Variants in MAD1L1 observed in about 807,000 individuals in gnomAD.
The protein encoded by MAD1L1 is mitotic spindle assembly checkpoint protein MAD1.
MAD1L1 carries 95 observed loss-of-function variants against 96.9 expected under a neutral mutation model. The ratio of observed to expected loss-of-function variants is 0.98; its 90% CI spans 0.83 to 1.16. MAD1L1 has a LOEUF of 1.16. MAD1L1 is among the 50% of genes most tolerant of loss of function. The probability of loss-of-function intolerance (pLI) is 0.00; values close to 1 mark genes in which losing one functional copy is unlikely to be tolerated. For missense variants in MAD1L1, 1,007 were observed against 954.4 expected (o/e 1.06, Z -0.73); for synonymous variants, 473 against 396.6 (o/e 1.19, Z -2.29).
chr7:2,070,554 C>A (rs1018007036), intron 11 of MAD1L1, among the ~76,000 whole-genome samples: 18 of 149,460 alleles, frequency 1.2e-4, no homozygotes, highest in Non-Finnish European at 4.4e-5. Context: ...TGCGAGTCCG[C>A]GGAGGGAGGG....
At chr7:2,170,971 A>G (rs769894244) in intron 10 of MAD1L1, among the ~76,000 whole-genome samples, 2 of 152,208 alleles carry the variant, frequency 1.3e-5, no homozygotes, top group Non-Finnish European at 2.9e-5. Context: ...ATAGGTGATC[A>G]AACGCAAAAC....
intron 12 of MAD1L1, among the ~76,000 whole-genome samples, chr7:2,057,072 G>A (rs190053560): frequency 9.8e-5 from 15 of 152,298 alleles, no homozygotes; most frequent in African/African-American, 2.6e-4. Context: ...GCCCTAAAGC[G>A]CCTCCCTTTC....
In MAD1L1 at chr7:2,136,347, C is replaced by T. The variant is rs368008777; in HGVS notation, c.1073+12805G>A. On this transcript the variant is annotated intron_variant, in intron 11 of 18. Coordinates refer to ENST00000265854, the MANE Select transcript of MAD1L1 (RefSeq NM_001013836.2). ...AAGCAGACTCCAGGCTGAGTGGCTCCACAACCTTGGGGAAACTGGGGCAAA... is the reference window on the plus strand; with the variant it reads ...AAGCAGACTCCAGGCTGAGTGGCTCTACAACCTTGGGGAAACTGGGGCAAA... 2.2e-4 allele frequency among the ~76,000 whole-genome samples: 33 copies of T among 152,262 alleles called. No homozygotes were observed. The South Asian group carries it at 6.4e-3, about 30-fold the overall frequency.
At chr7:2,194,576 C>G (rs1637745) in intron 10 of MAD1L1, among the ~76,000 whole-genome samples, 42,039 of 152,038 alleles carry the variant, frequency 0.28, 6,713 homozygotes, top group African/African-American at 0.43. Context: ...GCAGAGCCAA[C>G]TAATTGTAAC....
chr7:1,886,039 C>T (rs1009578043), intron 18 of MAD1L1, among the ~76,000 whole-genome samples: 1 of 152,214 alleles, frequency 6.6e-6, no homozygotes, highest in Non-Finnish European at 1.5e-5. Flanking sequence ...TGGGCCCTCA[C>T]CAGCCCTCGT....
At chr7:2,220,117 A>G (rs1238361817) in intron 5 of MAD1L1, among the ~76,000 whole-genome samples, 1 of 152,108 alleles carries the variant, frequency 6.6e-6, no homozygotes, top group Non-Finnish European at 1.5e-5. Flanking sequence ...TCGCCCTCAC[A>G]CCACAGCAAG....
chr7:2,007,145 G>A (rs1398746627), intron 13 of MAD1L1, among the ~76,000 whole-genome samples: 2 of 152,200 alleles, frequency 1.3e-5, no homozygotes, highest in Admixed American at 6.5e-5. Context: ...CTGAACAGAC[G>A]CCACCAGAGA....
intron 10 of MAD1L1, among the ~76,000 whole-genome samples, chr7:2,166,172 G>A (rs1790419863): frequency 6.6e-6 from 1 of 152,214 alleles, no homozygotes; most frequent in African/African-American, 2.4e-5. Flanking sequence ...TCCCGCCGCA[G>A]CCCTGGACCC....
At chr7:2,084,329 G>A (rs1218048306) in intron 11 of MAD1L1, among the ~76,000 whole-genome samples, 7 of 152,238 alleles carry the variant, frequency 4.6e-5, no homozygotes, top group Admixed American at 1.3e-4. Context: ...AGACAGCCAC[G>A]GGCAGCGCGA....
Position 2,178,411 on chromosome 7 carries a change from G to T in MAD1L1, c.987-29173C>A, listed in dbSNP as rs1236659454. 2.6e-5 allele frequency among the ~76,000 whole-genome samples: 4 copies of T among 152,274 alleles called. No homozygotes were observed. In the East Asian group the frequency reaches 7.7e-4, roughly 29 times the overall value. ...TAAAGCATGACAAACTACTCTGAAG[G>T]GTCAAAGATGGCGGTGCACATGCAG... On this transcript the variant is annotated intron_variant, in intron 10 of 18. Coordinates refer to ENST00000265854, the MANE Select transcript of MAD1L1 (RefSeq NM_001013836.2).
intron 10 of MAD1L1, among the ~76,000 whole-genome samples, chr7:2,197,149 G>T (rs1034569887): frequency 6.6e-6 from 1 of 152,176 alleles, no homozygotes; most frequent in African/African-American, 2.4e-5. Context: ...CAGGAGAACT[G>T]TGGTTAGAAC....
chr7:2,147,143 T>C (rs73287672), intron 11 of MAD1L1, among the ~76,000 whole-genome samples: 3,265 of 152,196 alleles, frequency 0.021, 116 homozygotes, highest in African/African-American at 0.074. Flanking sequence ...GGCTCAGACC[T>C]CACAGCAACC....
chr7:1,881,974 G>A (rs1336257420), intron 18 of MAD1L1, among the ~76,000 whole-genome samples: 5 of 152,288 alleles, frequency 3.3e-5, no homozygotes, highest in African/African-American at 9.6e-5. Flanking sequence ...AGGCTTGCCC[G>A]TGTCCTTGGG....
chr7:2,196,449 G>C (rs527628282), intron 10 of MAD1L1, among the ~76,000 whole-genome samples: 1 of 152,284 alleles, frequency 6.6e-6, no homozygotes, highest in Middle Eastern at 3.4e-3. Context: ...CCCGCAAAAC[G>C]CTCCTGCGGC....
intron 7 of MAD1L1, 134 bp from the exon 8 acceptor site, chr7:2,216,421 C>T: frequency 3.5e-6 from 3 of 865,768 alleles, no homozygotes; most frequent in Non-Finnish European, 5.1e-6. Flanking sequence ...AACCACAGGA[C>T]GTTCTGGGAA....
At chr7:2,110,011 C>CGCAG (rs1426962287) in intron 11 of MAD1L1, among the ~76,000 whole-genome samples, 1 of 152,246 alleles carries the variant, frequency 6.6e-6, no homozygotes, top group Non-Finnish European at 1.5e-5. Context: ...GACCCAGCTG[C>CGCAG]GCAGGCCGGA....
At chr7:2,073,016 G>C (rs1477492654) in intron 11 of MAD1L1, among the ~76,000 whole-genome samples, 1 of 152,202 alleles carries the variant, frequency 6.6e-6, no homozygotes, top group Non-Finnish European at 1.5e-5. Flanking sequence ...CAGTGCAATA[G>C]AGCCAGGGGC....
At chr7:1,896,707 T>C (rs1388798774) in intron 18 of MAD1L1, among the ~76,000 whole-genome samples, 9 of 152,208 alleles carry the variant, frequency 5.9e-5, no homozygotes, top group Admixed American at 6.5e-5. Flanking sequence ...CAGAAAACAC[T>C]GTGGAGGGTG....
rs1236471696 is a variant in MAD1L1, at chr7:2,103,374, C to T, written c.1074-34036G>A. On this transcript the variant is annotated intron_variant, in intron 11 of 18. Transcript: ENST00000265854. The surrounding 1 kb of genome is among the most constrained non-coding windows in gnomAD (Gnocchi z 4.3). Reference sequence around the variant, plus strand: ...CTGCCCCGCCGCTCAGTAGACGGCACATGGGACATCGCCATGCCTAGTGAT... The same window carrying T: ...CTGCCCCGCCGCTCAGTAGACGGCATATGGGACATCGCCATGCCTAGTGAT... 1.3e-5 allele frequency among the ~76,000 whole-genome samples: 2 copies of T among 152,210 alleles called. No homozygotes were observed. Among genetic ancestry groups the T allele is most frequent in the African/African-American group, 2.4e-5 (1 of 41,450 alleles).
Sources: allele counts gnomAD v4.1 joint callset (sites outside exome capture counted in the v4.1 genomes callset), GRCh38; gene constraint gnomAD v4.1.1; non-coding constraint Gnocchi (gnomAD v3.1); transcripts MANE v1.5; gene names NCBI Gene and HGNC (gene_info 2026-07-23, HGNC 2026-07-21).